Variants in UNC13C observed in about 807,000 individuals in gnomAD.
The protein encoded by UNC13C is protein unc-13 homolog C.
UNC13C carries 174 observed loss-of-function variants against 245.4 expected under a neutral mutation model. That is an observed-to-expected ratio of 0.71 (90% CI 0.63 to 0.80). The LOEUF is 0.80. Among genes scored for constraint, UNC13C ranks in the 30% least tolerant of loss-of-function variants. UNC13C has a pLI of 0.00. For missense variants in UNC13C, 2,829 were observed against 2,602.9 expected, an observed-to-expected ratio of 1.09 and a Z score of -1.89; for synonymous variants, 992 against 895.1, an observed-to-expected ratio of 1.11 and a Z score of -1.93.
At chr15:53,872,531 T>G in the UNC13C span, among the ~76,000 whole-genome samples, 1 of 152,148 alleles carries the variant, frequency 6.6e-6, no homozygotes, top group Non-Finnish European at 1.5e-5. Flanking sequence ...GTTTATCTCT[T>G]TTATGCCGTT....
At chr15:54,175,964 A>G (rs903825110) in intron 4 of UNC13C, among the ~76,000 whole-genome samples, 2 of 152,222 alleles carry the variant, frequency 1.3e-5, no homozygotes, top group Non-Finnish European at 2.9e-5. Flanking sequence ...AAGCACTAGT[A>G]TAAAACATAT....
intron 19 of UNC13C, among the ~76,000 whole-genome samples, chr15:54,425,738 C>T (rs2040746307): frequency 6.6e-6 from 1 of 151,830 alleles, no homozygotes. Flanking sequence ...CTCTGTTTGA[C>T]ATAGTGTGTT....
intron 30 of UNC13C, among the ~76,000 whole-genome samples, chr15:54,576,893 G>A (rs1897977932): frequency 6.6e-6 from 1 of 152,224 alleles, no homozygotes; most frequent in Non-Finnish European, 1.5e-5. Context: ...TGGATGCAAA[G>A]CAGGTGCTTA....
At chr15:54,367,541 C>T (rs1434298615) in intron 17 of UNC13C, among the ~76,000 whole-genome samples, 1 of 152,182 alleles carries the variant, frequency 6.6e-6, no homozygotes, top group Non-Finnish European at 1.5e-5. Flanking sequence ...TTTCTTGCCC[C>T]TGTCCATACA....
intron 1 of UNC13C, among the ~76,000 whole-genome samples, chr15:54,010,914 T>C (rs1895355049): frequency 1.3e-5 from 2 of 152,110 alleles, no homozygotes; most frequent in South Asian, 4.1e-4. Flanking sequence ...GGAAAATTGC[T>C]AGGTTCTGGA....
At position 53,978,720 on chromosome 15, in the gene UNC13C, GC is replaced by G. The variant is rs1478445101; in HGVS notation, c.-463del. Among the ~76,000 whole-genome samples the G allele has an allele frequency of 6.6e-6, 1 of 152,188 alleles. No individual in the cohort carries two copies. Among genetic ancestry groups the G allele is most frequent in the African/African-American group, 2.4e-5 (1 of 41,434 alleles). ...TGACAAGAAAAGAACAGACACCGTT[GC>G]AGACCAAGGCATGCCTGATTGCACG... On this transcript the variant is annotated 5_prime_UTR_variant, in exon 1 of 33. Coordinates refer to ENST00000260323, the MANE Select transcript of UNC13C (RefSeq NM_001080534.3).
chr15:54,160,342 A>C (rs947556218), intron 4 of UNC13C, among the ~76,000 whole-genome samples: 7 of 150,396 alleles, frequency 4.7e-5, no homozygotes, highest in African/African-American at 1.7e-4. Context: ...AGAAGCCTAG[A>C]CTGAATGATT....
intron 2 of UNC13C, among the ~76,000 whole-genome samples, chr15:54,092,650 C>T (rs1461591385): frequency 6.6e-6 from 1 of 152,088 alleles, no homozygotes; most frequent in Non-Finnish European, 1.5e-5. Context: ...AAGAGAAATA[C>T]TTAATATCTT....
At chr15:54,268,062 G>T (rs1193759015) in intron 10 of UNC13C, among the ~76,000 whole-genome samples, 1 of 151,652 alleles carries the variant, frequency 6.6e-6, no homozygotes, top group Non-Finnish European at 1.5e-5. Context: ...CCATCATCTA[G>T]GTTTTAAGCC....
At chr15:54,212,413 G>A (rs2414296) in intron 4 of UNC13C, among the ~76,000 whole-genome samples, 12,479 of 152,020 alleles carry the variant, frequency 0.082, 714 homozygotes, top group African/African-American at 0.15. Flanking sequence ...TAAGTCCAGA[G>A]AATCATATAC....
At chr15:54,464,991 A>G (rs1475451120) in intron 19 of UNC13C, among the ~76,000 whole-genome samples, 2 of 152,074 alleles carry the variant, frequency 1.3e-5, no homozygotes, top group Non-Finnish European at 2.9e-5. Flanking sequence ...ATACATACAA[A>G]TAATACATTA....
chr15:54,010,183 T>C (rs1241811590), intron 1 of UNC13C, among the ~76,000 whole-genome samples: 2 of 152,214 alleles, frequency 1.3e-5, no homozygotes, highest in Non-Finnish European at 2.9e-5. Context: ...TTTCATTCAT[T>C]TACATGATCA....
rs78504805 is a variant in UNC13C at position 54,349,511 on chromosome 15, G to A, written c.4713+11022G>A. On this transcript the variant is annotated intron_variant, in intron 17 of 32. Coordinates refer to ENST00000260323, the MANE Select transcript of UNC13C (RefSeq NM_001080534.3). ...TACATGAAAAAAATTATAACCTCAC[G>A]TTGTTAATAAACATTGATGAGAAAA... Among the ~76,000 whole-genome samples the A allele has an allele frequency of 1.4e-4, 21 of 151,982 alleles. No individual in the cohort carries two copies. The East Asian group carries it at 2.7e-3, about 20-fold the overall frequency.
chr15:53,938,161 T>A, the UNC13C span, among the ~76,000 whole-genome samples: 1 of 150,322 alleles, frequency 6.7e-6, no homozygotes, highest in Admixed American at 6.6e-5. Flanking sequence ...AAGACACACA[T>A]AATAAAGGGA....
At chr15:53,964,683 T>G in the UNC13C span, among the ~76,000 whole-genome samples, 2 of 152,064 alleles carry the variant, frequency 1.3e-5, no homozygotes, top group South Asian at 2.1e-4. Context: ...CAGAAATCTA[T>G]CCATGAAACA....
intron 30 of UNC13C, among the ~76,000 whole-genome samples, chr15:54,603,345 A>T (rs1326833717): frequency 1.3e-5 from 2 of 152,184 alleles, no homozygotes; most frequent in African/African-American, 2.4e-5. Context: ...GATGAGAAAA[A>T]CACTTGACAC....
chr15:53,843,491 G>A, the UNC13C span, among the ~76,000 whole-genome samples: 3 of 151,958 alleles, frequency 2.0e-5, no homozygotes, highest in Admixed American at 1.3e-4. Context: ...TCACTCTTTA[G>A]GGTGGCTCTT....
chr15:54,385,831 T>C (rs982791500), intron 17 of UNC13C, among the ~76,000 whole-genome samples: 1 of 152,054 alleles, frequency 6.6e-6, no homozygotes, highest in Non-Finnish European at 1.5e-5. Flanking sequence ...CATAAATTTG[T>C]AAATTATTAT....
intron 17 of UNC13C, among the ~76,000 whole-genome samples, chr15:54,360,832 G>A (rs542347197): frequency 6.6e-6 from 1 of 152,086 alleles, no homozygotes; most frequent in Non-Finnish European, 1.5e-5. Flanking sequence ...TTCTCTGAAA[G>A]GTGTATTGGG....
Sources: gnomAD v4.1 joint callset for allele counts (sites outside exome capture counted in the v4.1 genomes callset) on GRCh38, gnomAD v4.1.1 for gene constraint, MANE v1.5 for transcripts, NCBI Gene and HGNC (gene_info 2026-07-23, HGNC 2026-07-21) for gene names.